UNKL: variants seen among roughly 807,000 people sequenced by gnomAD.
The protein encoded by UNKL is unk like zinc finger.
A neutral mutation model predicts 78.0 loss-of-function variants in UNKL; 60 were observed. That is an observed-to-expected ratio of 0.77 (90% CI 0.63 to 0.95). The LOEUF is 0.95. Ranked by LOEUF, UNKL falls within the 40% of genes least tolerant of loss-of-function variation. The pLI is 0.00. For synonymous variants in UNKL, 608 were observed against 474.8 expected (o/e 1.28, Z -3.65); for missense variants, 1,159 against 1,045.7 (o/e 1.11, Z -1.49).
At chr16:1,367,991 G>A (rs2035450845) in intron 12 of UNKL, 133 bp from the exon 13 acceptor site, 5 of 790,888 alleles carry the variant, frequency 6.3e-6, no homozygotes, top group East Asian at 5.4e-5. Context: ...CAGCAGGGGT[G>A]CAGCCACGCC....
At position 1,399,440 on chromosome 16, in the gene UNKL, C is replaced by T; in HGVS notation, c.668G>A (p.Gly223Asp). 6.2e-7 allele frequency: 1 copy of T among 1,605,732 alleles called. No individual in the cohort carries two copies. Among genetic ancestry groups the T allele is most frequent in the Non-Finnish European group, 8.5e-7 (1 of 1,176,882 alleles). ...ATTGTGGTAGTGTGGGCACGCATAGCCCTGGCGGCACAGGCGTGGCGGCTT... is the reference window on the plus strand; with the variant it reads ...ATTGTGGTAGTGTGGGCACGCATAGTCCTGGCGGCACAGGCGTGGCGGCTT... ...CPKPPRLCRQGYACPHYHNSR... is the reference protein window; with the variant it reads ...CPKPPRLCRQDYACPHYHNSR... The change falls in exon 5 of 15, where the codon GGC becomes GAC. Residue 223 changes from glycine to aspartate, a missense_variant. Coordinates refer to ENST00000389221, the MANE Select transcript of UNKL (RefSeq NM_001372107.1). This position sits in a 1 kb window ranked among gnomAD's most constrained non-coding sequence, Gnocchi z 5.8.
chr16:1,395,179 T>A (rs2037210205), intron 6 of UNKL, among the ~76,000 whole-genome samples: 1 of 144,492 alleles, frequency 6.9e-6, no homozygotes, highest in Non-Finnish European at 1.5e-5. Flanking sequence ...TTTTTTTTTT[T>A]TTTTTTGAGC....
chr16:1,414,183 G>A, intron 1 of UNKL, 128 bp from the exon 2 acceptor site: 1 of 935,980 alleles, frequency 1.1e-6, no homozygotes, highest in Non-Finnish European at 1.5e-6. Context: ...ATTCCCGGCG[G>A]GCCCCAGGCG....
At chr16:1,368,890 TA>T (rs936236399) in intron 12 of UNKL, among the ~76,000 whole-genome samples, 13 of 151,758 alleles carry the variant, frequency 8.6e-5, no homozygotes, top group African/African-American at 3.1e-4. Flanking sequence ...AACTTTGTTT[TA>T]AAAAAATAAA....
chr16:1,370,132 AG>A lies in UNKL; in HGVS notation c.1582del (p.Leu528Ter). 1 of 1,526,040 alleles carries A rather than the reference AG, an allele frequency of 6.6e-7. No homozygotes were observed. Among genetic ancestry groups the A allele is most frequent in the Non-Finnish European group, 8.8e-7 (1 of 1,132,638 alleles). The allele number at this position is 1,526,040 out of a possible 1,614,324, so 94.5% of individuals were successfully genotyped here. On this transcript the variant is annotated frameshift_variant, in exon 12 of 15. Transcript: ENST00000389221. LOFTEE classifies it high-confidence loss of function. ...GCATGGAGGGAGCCGGCACTCACCT[AG>A]GGGGCTGTAGGATGAGGCTGCAGAG... The part of the protein sequence containing the change: ...LGSAASSYSP[L>X]GLNGVPGSIW...
rs1354581601 is a variant in UNKL, at chr16:1,406,030, G to A, written c.288-2686C>T. The A allele has an allele frequency of 1.5e-5, 7 of 456,764 alleles. No homozygotes were observed. The East Asian group carries it at 4.2e-4, about 27-fold the overall frequency. 28.3% of individuals were successfully genotyped at this position (456,764 alleles called of 1,614,324 possible). A position where few individuals can be genotyped will look rare whatever the true frequency, so the allele number is the denominator to read the frequency against. ...CCCCCAGCTGGTGTGGACGAGGCCC[G>A]TGGATCTGCACTGCCGGCTGGTTCC... is the stretch of plus-strand genomic sequence containing the variant. On this transcript the variant is annotated intron_variant, in intron 2 of 14. Transcript: ENST00000389221.
intron 10 of UNKL, chr16:1,379,538 G>T: frequency 1.0e-6 from 1 of 985,248 alleles, no homozygotes; most frequent in East Asian, 1.1e-4. Context: ...CGCACCTGGC[G>T]GGGGGCGCAC....
Position 1,406,044 on chromosome 16 carries a change from C to A in UNKL, c.288-2700G>T, listed in dbSNP as rs186618036. Reference sequence around the variant, plus strand: ...GGACGAGGCCCGTGGATCTGCACTGCCGGCTGGTTCCCAGGGAACGTGCGA... The same window carrying A: ...GGACGAGGCCCGTGGATCTGCACTGACGGCTGGTTCCCAGGGAACGTGCGA... On this transcript the variant is annotated intron_variant, in intron 2 of 14. Transcript: ENST00000389221. 813 of 456,706 alleles carry A rather than the reference C, an allele frequency of 1.8e-3. 2 individuals are homozygous for A. The highest frequency in any genetic ancestry group is 2.7e-3 in the Non-Finnish European group (609 of 226,972). 28.3% of individuals were successfully genotyped at this position (456,706 alleles called of 1,614,324 possible).
In UNKL at chr16:1,401,729, G is replaced by C. The variant is rs1224901611; in HGVS notation, c.465-28C>G. On this transcript the variant is annotated intron_variant, in intron 3 of 14. Transcript: ENST00000389221. Reference sequence around the variant, plus strand: ...GCAAGCCGAGGACACAGTGGTCACAGCTCTGCATCTGGAGCCTCCAAAGCT... The same window carrying C: ...GCAAGCCGAGGACACAGTGGTCACACCTCTGCATCTGGAGCCTCCAAAGCT... 4 of 1,591,498 alleles carry C rather than the reference G, an allele frequency of 2.5e-6. No homozygotes were observed. In the African/African-American group the frequency reaches 5.4e-5, roughly 21 times the overall value.
intron 8 of UNKL, among the ~76,000 whole-genome samples, chr16:1,392,051 G>A (rs2037072480): frequency 1.3e-5 from 2 of 152,186 alleles, no homozygotes; most frequent in Admixed American, 1.3e-4. Flanking sequence ...TGTGAAGGCA[G>A]GGTGCCAGCT....
At chr16:1,405,230 G>A (rs1369337150) in intron 2 of UNKL, among the ~76,000 whole-genome samples, 3 of 144,266 alleles carry the variant, frequency 2.1e-5, no homozygotes, top group African/African-American at 5.3e-5. Flanking sequence ...AAAAGGAGGC[G>A]AGGAAGGAAG....
chr16:1,368,771 G>T (rs1264981520), intron 12 of UNKL, among the ~76,000 whole-genome samples: 3 of 152,002 alleles, frequency 2.0e-5, no homozygotes, highest in African/African-American at 7.3e-5. Flanking sequence ...CGTGGTAGCA[G>T]GTACCTGTGA....
chr16:1,378,588 T>C (rs924881012), intron 10 of UNKL, among the ~76,000 whole-genome samples: 1 of 152,168 alleles, frequency 6.6e-6, no homozygotes, highest in Non-Finnish European at 1.5e-5. Context: ...GGGGCTAAGC[T>C]GCCTTCAATG....
chr16:1,403,426 G>T lies in UNKL; in HGVS notation c.288-82C>A. The T allele has an allele frequency of 6.7e-7, 1 of 1,481,586 alleles. No individual in the cohort carries two copies. Among genetic ancestry groups the T allele is most frequent in the Non-Finnish European group, 9.1e-7 (1 of 1,097,294 alleles). 91.8% of individuals were successfully genotyped at this position (1,481,586 alleles called of 1,614,324 possible). On this transcript the variant is annotated intron_variant, in intron 2 of 14. Transcript: ENST00000389221. This position sits in a 1 kb window ranked among gnomAD's most constrained non-coding sequence, Gnocchi z 4.8. ...AGCTCCCTGGGTCCACGCCCTGTCA[G>T]CACGTGGCAAGCAGTGAATTCCCTT...
At chr16:1,392,545 C>T (rs911720397) in intron 8 of UNKL, among the ~76,000 whole-genome samples, 1 of 152,196 alleles carries the variant, frequency 6.6e-6, no homozygotes, top group African/African-American at 2.4e-5. Flanking sequence ...AGTGATTCTC[C>T]CGCCTCAGCC....
At chr16:1,393,107 G>C in intron 7 of UNKL, 131 bp from the exon 8 acceptor site, 1 of 948,624 alleles carries the variant, frequency 1.1e-6, no homozygotes, top group East Asian at 2.6e-5. Flanking sequence ...GGGTGCGGCA[G>C]AGGACGGCTG....
At chr16:1,374,547 G>C (rs975079712) in intron 10 of UNKL, among the ~76,000 whole-genome samples, 1 of 152,180 alleles carries the variant, frequency 6.6e-6, no homozygotes, top group Non-Finnish European at 1.5e-5. Context: ...TCCACAGCCT[G>C]GCCAGCCCCT....
intron 11 of UNKL, among the ~76,000 whole-genome samples, chr16:1,370,605 G>A (rs969144642): frequency 2.6e-5 from 4 of 152,154 alleles, no homozygotes; most frequent in East Asian, 1.9e-4. Context: ...GTGGGGAGAC[G>A]GGGGTTTAAC....
intron 6 of UNKL, chr16:1,395,695 G>A (rs1420832077): frequency 2.4e-5 from 11 of 456,444 alleles, no homozygotes; most frequent in African/African-American, 1.0e-4. Context: ...TTTATGGTGC[G>A]GCTGTGGCCC....
Sources: gnomAD v4.1 joint callset for allele counts (sites outside exome capture counted in the v4.1 genomes callset) on GRCh38, gnomAD v4.1.1 for gene constraint, Gnocchi (gnomAD v3.1) non-coding constraint, MANE v1.5 for transcripts, NCBI Gene and HGNC (gene_info 2026-07-23, HGNC 2026-07-21) for gene names.